Variants in ITCH observed in about 807,000 individuals in gnomAD.
The protein encoded by ITCH is itchy E3 ubiquitin protein ligase, also known as E3 ubiquitin-protein ligase Itchy homolog.
A neutral mutation model predicts 126.8 loss-of-function variants in ITCH; 28 were observed. That is an observed-to-expected ratio of 0.22 (90% CI 0.16 to 0.30). The LOEUF is 0.30. Among genes scored for constraint, ITCH ranks in the 10% least tolerant of loss-of-function variants. The probability of loss-of-function intolerance (pLI) is 1.00; values close to 1 mark genes in which losing one functional copy is unlikely to be tolerated. For synonymous variants in ITCH, 342 were observed against 340.0 expected (o/e 1.01, Z -0.06); for missense variants, 631 against 1,032.4 (o/e 0.61, Z 5.33).
intron 7 of ITCH, among the ~76,000 whole-genome samples, chr20:34,435,536 T>C (rs548501449): frequency 8.1e-4 from 123 of 152,302 alleles, no homozygotes; most frequent in African/African-American, 2.6e-3. Context: ...TGAAAACCTC[T>C]GACCTTTTCT....
chr20:34,397,841 T>A (rs1224814708), intron 3 of ITCH, among the ~76,000 whole-genome samples: 1 of 152,122 alleles, frequency 6.6e-6, no homozygotes, highest in Non-Finnish European at 1.5e-5. Flanking sequence ...ATTAGAACAG[T>A]CCTTTAAAAC....
At chr20:34,507,274 T>G (rs542821361) in intron 24 of ITCH, among the ~76,000 whole-genome samples, 14 of 83,804 alleles carry the variant, frequency 1.7e-4, no homozygotes, top group East Asian at 5.9e-4. Flanking sequence ...TTTTTTTTTT[T>G]TTTTTTTTTT....
intron 14 of ITCH, 123 bp from the exon 15 acceptor site, chr20:34,469,925 G>A: frequency 1.3e-6 from 1 of 781,384 alleles, no homozygotes; most frequent in South Asian, 1.4e-5. Flanking sequence ...GTTTTGTTAG[G>A]AATATGCTAT....
At chr20:34,442,379 T>C in intron 10 of ITCH, 76 bp downstream of exon 10, 4 of 1,090,810 alleles carry the variant, frequency 3.7e-6, no homozygotes, top group Non-Finnish European at 5.5e-6. Context: ...CTTCCCTACA[T>C]TTCTGTTTTA....
At chr20:34,488,840 C>A (rs1989318220) in intron 20 of ITCH, among the ~76,000 whole-genome samples, 1 of 152,178 alleles carries the variant, frequency 6.6e-6, no homozygotes, top group Non-Finnish European at 1.5e-5. Context: ...ATATTTAAAA[C>A]CAGCCTTGGC....
At chr20:34,439,151 G>A (rs936910780) in intron 8 of ITCH, among the ~76,000 whole-genome samples, 1 of 152,094 alleles carries the variant, frequency 6.6e-6, no homozygotes, top group Non-Finnish European at 1.5e-5. Context: ...ACCTTTTATT[G>A]TTTCTCTCTG....
rs1988363498 is a variant in ITCH, at chr20:34,477,684, C to G, written c.1570-88C>G. Reference sequence around the variant, plus strand: ...CTGTGTCATGGGAGATTTCAGTTACCTATAACGAAGGAGATGTCAAACCTA... The same window carrying G: ...CTGTGTCATGGGAGATTTCAGTTACGTATAACGAAGGAGATGTCAAACCTA... On this transcript the variant is annotated intron_variant, in intron 16 of 24. Coordinates refer to ENST00000374864, the MANE Select transcript of ITCH (RefSeq NM_031483.7). The G allele has an allele frequency of 1.3e-5, 16 of 1,190,464 alleles. No individual in the cohort carries two copies. The South Asian group carries it at 1.9e-4, about 14-fold the overall frequency. The allele number at this position is 1,190,464 out of a possible 1,614,324, so 73.7% of individuals were successfully genotyped here. A position where few individuals can be genotyped will look rare whatever the true frequency, so the allele number is the denominator to read the frequency against.
In ITCH at chr20:34,485,039, A is replaced by G. The variant is rs1454768416; in HGVS notation, c.2093+3833A>G. Among the ~76,000 whole-genome samples the G allele has an allele frequency of 3.3e-5, 5 of 152,168 alleles. No homozygotes were observed. The East Asian group carries it at 9.6e-4, about 29-fold the overall frequency. On this transcript the variant is annotated intron_variant, in intron 20 of 24. Transcript: ENST00000374864. ...ACTTCCTAAAATGAAATCATAGAGT[A>G]TGTACTCTTATATCTAGCTTTTAGT...
intron 3 of ITCH, among the ~76,000 whole-genome samples, chr20:34,394,890 A>G (rs1217809874): frequency 6.6e-6 from 1 of 152,124 alleles, no homozygotes; most frequent in Non-Finnish European, 1.5e-5. Flanking sequence ...GGCCCACAGA[A>G]TAGATAGTGG....
At chr20:34,438,766 T>A in intron 8 of ITCH, 135 bp downstream of exon 8, 1 of 1,217,826 alleles carries the variant, frequency 8.2e-7, no homozygotes, top group African/African-American at 1.5e-5. Context: ...AAAAGAATGA[T>A]CTTTCTGTAG....
chr20:34,443,979 C>G (rs1385588155), intron 10 of ITCH, among the ~76,000 whole-genome samples: 2 of 152,184 alleles, frequency 1.3e-5, no homozygotes, highest in African/African-American at 4.8e-5. Context: ...CAGCCCCTGT[C>G]ATCCTCCCTG....
intron 2 of ITCH, among the ~76,000 whole-genome samples, chr20:34,376,213 C>T (rs916160265): frequency 6.6e-6 from 1 of 151,942 alleles, no homozygotes; most frequent in Non-Finnish European, 1.5e-5. Context: ...AAAGTTCTTA[C>T]CCACGTAAAG....
At chr20:34,364,151 C>G (rs930912758) in intron 1 of ITCH, among the ~76,000 whole-genome samples, 2 of 152,188 alleles carry the variant, frequency 1.3e-5, no homozygotes, top group Non-Finnish European at 2.9e-5. Context: ...AATTTGTGCG[C>G]CCGAAGTAGA....
intron 6 of ITCH, among the ~76,000 whole-genome samples, chr20:34,421,654 C>T (rs1159181909): frequency 6.6e-6 from 1 of 152,002 alleles, no homozygotes; most frequent in African/African-American, 2.4e-5. Flanking sequence ...AGGATAAGAT[C>T]TAAATAATTT....
At chr20:34,450,179 G>A (rs767311419) in intron 12 of ITCH, among the ~76,000 whole-genome samples, 1 of 152,200 alleles carries the variant, frequency 6.6e-6, no homozygotes, top group African/African-American at 2.4e-5. Flanking sequence ...TGCCACTTCT[G>A]TGGTTTTGAT....
At chr20:34,393,060 G>A (rs935454159) in intron 2 of ITCH, among the ~76,000 whole-genome samples, 2 of 152,116 alleles carry the variant, frequency 1.3e-5, no homozygotes, top group African/African-American at 4.8e-5. Flanking sequence ...ATCATTTTGT[G>A]ATCCACCCCA....
At chr20:34,393,140 G>A (rs750098438) in intron 2 of ITCH, among the ~76,000 whole-genome samples, 61 of 152,070 alleles carry the variant, frequency 4.0e-4, no homozygotes, top group Non-Finnish European at 1.8e-4. Context: ...TTTGTCAGAC[G>A]ATTTTCAGCG....
At position 34,471,465 on chromosome 20, in the gene ITCH, A is replaced by G. The variant is rs748720455; in HGVS notation, c.1519A>G (p.Ile507Val). 2 of 1,606,954 alleles carry G rather than the reference A, an allele frequency of 1.2e-6. No individual in the cohort carries two copies. The highest frequency in any genetic ancestry group is 1.1e-5 in the South Asian group (1 of 90,956). Residue 507 changes from isoleucine (I) to valine (V), a missense_variant, in exon 16 of 25, where the codon ATA becomes GTA. Transcript: ENST00000374864. Reference sequence around the variant, plus strand: ...TCAGCAACTGGCCATGCCACAGCACATAAAGATTACAGTGACAAGAAAAAC... The same window carrying G: ...TCAGCAACTGGCCATGCCACAGCACGTAAAGATTACAGTGACAAGAAAAAC... ...WCQQLAMPQH[I>V]KITVTRKTLF... is the part of the protein sequence containing the mutation.
chr20:34,460,196 TG>T (rs1986378887), intron 13 of ITCH, among the ~76,000 whole-genome samples: 1 of 152,060 alleles, frequency 6.6e-6, no homozygotes, highest in South Asian at 2.1e-4. Context: ...TTGTTGTTGT[TG>T]TTGTTGTTTG....
Sources: allele counts gnomAD v4.1 joint callset (sites outside exome capture counted in the v4.1 genomes callset), GRCh38; gene constraint gnomAD v4.1.1; transcripts MANE v1.5; gene names NCBI Gene and HGNC (gene_info 2026-07-23, HGNC 2026-07-21).